Variants in TNNT1 observed in about 807,000 individuals in gnomAD.
TNNT1 encodes the protein troponin T1, slow skeletal type, also known as troponin T, slow skeletal muscle.
A neutral mutation model predicts 50.6 loss-of-function variants in TNNT1; 53 were observed. That is an observed-to-expected ratio of 1.05 (90% CI 0.84 to 1.32). The LOEUF is 1.32. TNNT1 is among the 40% of genes most tolerant of loss of function. TNNT1 has a pLI of 0.00. For synonymous variants in TNNT1, 142 were observed against 138.0 expected (o/e 1.03, Z -0.20); for missense variants, 348 against 381.7 (o/e 0.91, Z 0.74).
At chr19:55,141,132 A>G in intron 8 of TNNT1, 54 bp downstream of exon 8, 1 of 1,534,904 alleles carries the variant, frequency 6.5e-7, no homozygotes, top group Non-Finnish European at 9.0e-7. Flanking sequence ...CCCAAGATGC[A>G]AGGGATCCAC....
intron 9 of TNNT1, 53 bp from the exon 10 acceptor site, chr19:55,138,127 G>A: frequency 6.2e-7 from 1 of 1,613,264 alleles, no homozygotes; most frequent in Non-Finnish European, 8.5e-7. Context: ...ACTGAGGGAG[G>A]AGGGCCCTGG....
chr19:55,145,640 G>A (rs1450898956), intron 5 of TNNT1, 75 bp from the exon 6 acceptor site: 1 of 1,560,966 alleles, frequency 6.4e-7, no homozygotes, highest in Non-Finnish European at 8.8e-7. Context: ...ACACACCCTG[G>A]GGAGGGACCC....
intron 11 of TNNT1, among the ~76,000 whole-genome samples, chr19:55,135,129 AG>A (rs1312019200): frequency 6.6e-6 from 1 of 152,126 alleles, no homozygotes; most frequent in Non-Finnish European, 1.5e-5. Context: ...CCTTGCAGGT[AG>A]GGGTGGCTAC....
At chr19:55,141,543 G>C (rs1413002113) in intron 7 of TNNT1, among the ~76,000 whole-genome samples, 1 of 151,174 alleles carries the variant, frequency 6.6e-6, no homozygotes, top group African/African-American at 2.4e-5. Context: ...GAGTGAAATG[G>C]CGCGATCTCG....
In TNNT1 at chr19:55,137,971, T is replaced by G. The variant is rs1290524972; in HGVS notation, c.491A>C (p.Tyr164Ser). 1 of 1,614,174 alleles carries G rather than the reference T, an allele frequency of 6.2e-7. No individual in the cohort carries two copies. ...LSNMGAHFGG[Y>S]LVKAEQKRGK... ...TGCAGGCTGACTCACCTTGACCAGG[T>G]AGCCGCCAAAATGGGCCCCCATGTT... Residue 164 changes from tyrosine to serine, a missense_variant, in exon 10 of 14, where the codon TAC becomes TCC. Tyr to Ser is a moderately radical substitution (Grantham distance 144). This residue lies in a region of TNNT1 where 253 missense variants were observed against 291.8 expected (regional missense o/e 0.87). Coordinates refer to ENST00000588981, the MANE Select transcript of TNNT1 (RefSeq NM_003283.6).
At chr19:55,140,750 C>A in intron 9 of TNNT1, 133 bp downstream of exon 9, 1 of 568,890 alleles carries the variant, frequency 1.8e-6, no homozygotes. Context: ...GCACTCCAGC[C>A]TGGGCGACAG....
At chr19:55,134,227 A>T in intron 11 of TNNT1, 23 bp from the exon 12 acceptor site, 1 of 1,553,840 alleles carries the variant, frequency 6.4e-7, no homozygotes, top group East Asian at 2.4e-5. Context: ...ACGGAGAGGA[A>T]CTTGGGCCCA....
In TNNT1 at chr19:55,147,036, G is replaced by A; in HGVS notation, c.33-15C>T. ...CCGGCTGCTCCCTGCGGACGGGTGT[G>A]GGGAGAGAGGAGGGAGGGGAGAGTT... On this transcript the variant is annotated splice_polypyrimidine_tract_variant and intron_variant, in intron 2 of 13. Transcript: ENST00000588981. The A allele has an allele frequency of 1.9e-6, 3 of 1,612,480 alleles. No homozygotes were observed. The highest frequency in any genetic ancestry group is 2.5e-6 in the Non-Finnish European group (3 of 1,179,566).
intron 13 of TNNT1, 128 bp from the exon 14 acceptor site, chr19:55,133,088 C>T: frequency 1.2e-6 from 1 of 851,634 alleles, no homozygotes. Context: ...AAGCAGTGAG[C>T]AAAACAACTG....
chr19:55,141,468 C>A (rs1180129150), intron 7 of TNNT1, among the ~76,000 whole-genome samples, 166 bp from the exon 8 acceptor site: 1 of 151,824 alleles, frequency 6.6e-6, no homozygotes, highest in Admixed American at 6.6e-5. Flanking sequence ...CAAGGACAGG[C>A]TTCCCAAAGA....
chr19:55,147,194 G>A (rs370576135), intron 1 of TNNT1, 26 bp from the exon 2 acceptor site: 2 of 1,610,466 alleles, frequency 1.2e-6, no homozygotes, highest in African/African-American at 2.7e-5. Flanking sequence ...AAGAGGCCCA[G>A]TGGGGTGGGG....
intron 1 of TNNT1, among the ~76,000 whole-genome samples, chr19:55,147,683 C>CTGAGGGGGGAGGGGCTGGGGGCG (rs1555860239): frequency 1.1e-5 from 1 of 90,416 alleles, no homozygotes; most frequent in African/African-American, 4.7e-5. Context: ...GGGCTGGGGT[C>CTGAGGGGGGAGGGGCTGGGGGCG]TGGACTCCTG....
chr19:55,135,266 G>A (rs2085327106), intron 11 of TNNT1, among the ~76,000 whole-genome samples: 1 of 152,162 alleles, frequency 6.6e-6, no homozygotes, highest in Admixed American at 6.6e-5. Flanking sequence ...TGGACTAAGT[G>A]ATTTTGAGGA....
At chr19:55,140,020 A>T (rs1440650673) in intron 9 of TNNT1, among the ~76,000 whole-genome samples, 1 of 151,970 alleles carries the variant, frequency 6.6e-6, no homozygotes, top group African/African-American at 2.4e-5. Context: ...GCTACTCAGG[A>T]GGCTGAGGCA....
rs192248377 is a variant in TNNT1, at chr19:55,133,932, G to C, written c.751-5C>G. ...GCGGTTGTACAGCACGTTGATCTGC[G>C]GAGGCAGAAGACAGATGCTGGGACA... On this transcript the variant is annotated splice_region_variant and splice_polypyrimidine_tract_variant and intron_variant, in intron 12 of 13. Coordinates refer to ENST00000588981, the MANE Select transcript of TNNT1 (RefSeq NM_003283.6). The C allele has an allele frequency of 1.2e-6, 2 of 1,613,050 alleles. No homozygotes were observed. The highest frequency in any genetic ancestry group is 1.7e-5 in the Admixed American group (1 of 59,946).
chr19:55,149,113 C>G (rs1038814911), intron 1 of TNNT1, 48 bp downstream of exon 1: 8 of 455,986 alleles, frequency 1.8e-5, no homozygotes, highest in Non-Finnish European at 2.6e-5. Flanking sequence ...GCCCCCTCCC[C>G]CAAGGACATG....
At position 55,132,858 on chromosome 19, in the gene TNNT1, T is replaced by C. The variant is rs1465638973; in HGVS notation, c.*57A>G. The C allele has an allele frequency of 3.3e-6, 5 of 1,534,880 alleles. No homozygotes were observed. The Admixed American group carries it at 7.7e-5, about 23-fold the overall frequency. ...TCTGAGGGGAGCGTTTATTTCAAGC[T>C]ACCGATGGGACAAACACTCCCAGGC... On this transcript the variant is annotated 3_prime_UTR_variant, in exon 14 of 14. Transcript: ENST00000588981.
At chr19:55,137,630 T>G (rs1599877028) in intron 10 of TNNT1, among the ~76,000 whole-genome samples, 1 of 27,272 alleles carries the variant, frequency 3.7e-5, no homozygotes. Flanking sequence ...CCCCAGCCCC[T>G]CCTCTCAGAC....
At chr19:55,141,684 A>T (rs1438176692) in intron 7 of TNNT1, among the ~76,000 whole-genome samples, 173 bp downstream of exon 7, 1 of 152,146 alleles carries the variant, frequency 6.6e-6, no homozygotes, top group East Asian at 1.9e-4. Context: ...GGGTTTCACC[A>T]TATTAACCAG....
Sources: gnomAD v4.1 joint callset for allele counts (sites outside exome capture counted in the v4.1 genomes callset) on GRCh38, gnomAD v4.1.1 for gene constraint, gnomAD v4.1.1 regional missense constraint, MANE v1.5 for transcripts, NCBI Gene and HGNC (gene_info 2026-07-23, HGNC 2026-07-21) for gene names.